Variants in PRKN observed in about 807,000 individuals in gnomAD.
The protein encoded by PRKN is parkin RBR E3 ubiquitin protein ligase, also known as E3 ubiquitin-protein ligase parkin.
In PRKN, 56 loss-of-function variants were observed where a neutral mutation model predicts 59.5. The ratio of observed to expected loss-of-function variants is 0.94; its 90% CI spans 0.76 to 1.18. PRKN has a LOEUF of 1.18. PRKN is among the 50% of genes most tolerant of loss of function. The pLI is 0.00. For missense variants in PRKN, 657 were observed against 596.4 expected (o/e 1.10, Z -1.06); for synonymous variants, 250 against 222.1 (o/e 1.13, Z -1.12).
chr6:161,779,943 C>T (rs1790134348), intron 7 of PRKN, among the ~76,000 whole-genome samples: 1 of 152,096 alleles, frequency 6.6e-6, no homozygotes, highest in Admixed American at 6.6e-5. Flanking sequence ...GCATGTTTCT[C>T]TGTAAATATA....
intron 7 of PRKN, among the ~76,000 whole-genome samples, chr6:161,728,887 T>TA (rs1787560830): frequency 6.6e-6 from 1 of 152,196 alleles, no homozygotes; most frequent in South Asian, 2.1e-4. Flanking sequence ...AGCATATACT[T>TA]AACAAATCTT....
At position 161,518,536 on chromosome 6, in the gene PRKN, G is replaced by A. The variant is rs1451650741; in HGVS notation, c.1083+30318C>T. On this transcript the variant is annotated intron_variant, in intron 9 of 11. Transcript: ENST00000366898. The surrounding 1 kb of genome is among the most constrained non-coding windows in gnomAD (Gnocchi z 5.0). ...CAGGGCTCTGGGTGAGAGCTGAACC[G>A]AGGCTCACATCTGCCCTTGCTGGGT... Among the ~76,000 whole-genome samples, 1 of 152,106 alleles carries A rather than the reference G, an allele frequency of 6.6e-6. No homozygotes were observed. The highest frequency in any genetic ancestry group is 1.5e-5 in the Non-Finnish European group (1 of 68,028).
At chr6:162,502,395 A>G (rs966120435) in intron 1 of PRKN, among the ~76,000 whole-genome samples, 15 of 152,238 alleles carry the variant, frequency 9.9e-5, no homozygotes, top group East Asian at 1.9e-4. Flanking sequence ...TCCTGGGCTC[A>G]GGCCATTTCC....
intron 1 of PRKN, among the ~76,000 whole-genome samples, chr6:162,522,370 C>T (rs924978079): frequency 2.6e-5 from 4 of 152,178 alleles, no homozygotes; most frequent in East Asian, 1.9e-4. Flanking sequence ...GTGATTCGCC[C>T]GCCTCGGCCT....
intron 2 of PRKN, among the ~76,000 whole-genome samples, chr6:162,348,136 C>T (rs1308231121): frequency 1.3e-5 from 2 of 152,144 alleles, no homozygotes; most frequent in Non-Finnish European, 2.9e-5. Flanking sequence ...CAGGGACCCA[C>T]GAGGGTAAGG....
At chr6:162,666,151 ATTC>A (rs1779092780) in intron 1 of PRKN, among the ~76,000 whole-genome samples, 3 of 152,200 alleles carry the variant, frequency 2.0e-5, no homozygotes, top group Admixed American at 2.0e-4. Context: ...TTCTCAGTTT[ATTC>A]TCAATCCAGT....
chr6:162,204,073 ATCATGCTACT>A (rs1420317741), intron 3 of PRKN, among the ~76,000 whole-genome samples: 1 of 152,182 alleles, frequency 6.6e-6, no homozygotes, highest in Non-Finnish European at 1.5e-5. Context: ...AGTTTCTGAC[ATCATGCTACT>A]TCACCTCTAA....
At chr6:161,957,689 C>T (rs999040599) in intron 6 of PRKN, among the ~76,000 whole-genome samples, 2 of 152,176 alleles carry the variant, frequency 1.3e-5, no homozygotes, top group African/African-American at 4.8e-5. Flanking sequence ...TCCCAAAATG[C>T]TGGGATTACA....
In PRKN at chr6:161,943,900, G is replaced by A. The variant is rs1428521252; in HGVS notation, c.734+29402C>T. On this transcript the variant is annotated intron_variant, in intron 6 of 11. Coordinates refer to ENST00000366898, the MANE Select transcript of PRKN (RefSeq NM_004562.3). ...CAGCCTGAGGGATTGGCCTGAGGAT[G>A]CAGCCTGAGGGATCAGCCTTGAGGA... Among the ~76,000 whole-genome samples, 5 of 129,534 alleles carry A rather than the reference G, an allele frequency of 3.9e-5. No homozygotes were observed. In the East Asian group the frequency reaches 1.3e-3, roughly 32 times the overall value. The allele number at this position is 129,534 out of a possible 152,430, so 85.0% of individuals were successfully genotyped here. A position where few individuals can be genotyped will look rare whatever the true frequency, so the allele number is the denominator to read the frequency against.
intron 5 of PRKN, among the ~76,000 whole-genome samples, chr6:162,024,003 TA>T (rs1275937985): frequency 6.6e-6 from 1 of 152,126 alleles, no homozygotes; most frequent in Non-Finnish European, 1.5e-5. Flanking sequence ...ATATCAATTT[TA>T]GAATTGCTTT....
chr6:162,668,364 C>T (rs1366361678), intron 1 of PRKN, among the ~76,000 whole-genome samples: 2 of 152,158 alleles, frequency 1.3e-5, no homozygotes, highest in Non-Finnish European at 2.9e-5. Flanking sequence ...GTCATTGTTA[C>T]TCTCCCGGTG....
intron 1 of PRKN, among the ~76,000 whole-genome samples, chr6:162,536,063 G>A (rs13202905): frequency 0.18 from 27,361 of 151,988 alleles, 2,751 homozygotes; most frequent in South Asian, 0.3. Flanking sequence ...ACATCTGACT[G>A]TTCCATGAAG....
At chr6:162,477,871 G>T (rs1430456267) in intron 1 of PRKN, among the ~76,000 whole-genome samples, 1 of 152,158 alleles carries the variant, frequency 6.6e-6, no homozygotes, top group Non-Finnish European at 1.5e-5. Context: ...TACAAATCCT[G>T]CTCTATCTCT....
At chr6:162,661,333 C>G (rs550126705) in intron 1 of PRKN, among the ~76,000 whole-genome samples, 1 of 152,084 alleles carries the variant, frequency 6.6e-6, no homozygotes, top group East Asian at 1.9e-4. Flanking sequence ...GAGTTAGGAA[C>G]TTAAAGAACA....
chr6:162,623,080 T>G (rs1186280016), intron 1 of PRKN, among the ~76,000 whole-genome samples: 1 of 152,260 alleles, frequency 6.6e-6, no homozygotes, highest in African/African-American at 2.4e-5. Context: ...CCTGCTGACT[T>G]AAACTGGAAA....
intron 1 of PRKN, among the ~76,000 whole-genome samples, chr6:162,507,867 G>C (rs1164530006): frequency 1.3e-5 from 2 of 152,118 alleles, no homozygotes; most frequent in Admixed American, 1.3e-4. Context: ...ATGGATTACC[G>C]AATAAATGTT....
intron 1 of PRKN, among the ~76,000 whole-genome samples, chr6:162,451,183 A>G (rs370682423): frequency 6.6e-6 from 1 of 152,142 alleles, no homozygotes; most frequent in African/African-American, 2.4e-5. Flanking sequence ...CAGTGTCTCC[A>G]GTAATTACGT....
intron 6 of PRKN, among the ~76,000 whole-genome samples, chr6:161,820,964 T>C (rs1049340675): frequency 6.6e-6 from 1 of 151,958 alleles, no homozygotes; most frequent in Non-Finnish European, 1.5e-5. Context: ...TACAGCGTGA[T>C]TCTATCTATA....
intron 2 of PRKN, among the ~76,000 whole-genome samples, chr6:162,286,375 T>A (rs1781193162): frequency 6.6e-6 from 1 of 152,184 alleles, no homozygotes; most frequent in South Asian, 2.1e-4. Flanking sequence ...CAATCATTCC[T>A]TTGTGCTACA....
Sources: allele counts gnomAD v4.1 joint callset (sites outside exome capture counted in the v4.1 genomes callset), GRCh38; gene constraint gnomAD v4.1.1; non-coding constraint Gnocchi (gnomAD v3.1); transcripts MANE v1.5; gene names NCBI Gene and HGNC (gene_info 2026-07-23, HGNC 2026-07-21).